Variants in CFAP20DC observed in about 807,000 individuals in gnomAD.
CFAP20DC encodes the protein protein CFAP20DC.
A neutral mutation model predicts 101.7 loss-of-function variants in CFAP20DC; 84 were observed. The observed-to-expected ratio is 0.83, with a 90% CI of 0.69 to 0.99. The LOEUF (loss-of-function observed/expected upper bound fraction) is 0.99, where lower values mean the gene tolerates loss of function less well. CFAP20DC is among the 50% of genes least tolerant of loss of function. The pLI is 0.00. For missense variants in CFAP20DC, 1,007 were observed against 970.3 expected (o/e 1.04, Z -0.50); for synonymous variants, 359 against 351.2 (o/e 1.02, Z -0.25).
chr3:58,962,153 C>T (rs1413697038), intron 4 of CFAP20DC, among the ~76,000 whole-genome samples: 1 of 152,090 alleles, frequency 6.6e-6, no homozygotes, highest in Non-Finnish European at 1.5e-5. Flanking sequence ...GAATTTACAG[C>T]TCCAAGTTTC....
At chr3:58,857,619 G>C (rs564411604) in intron 12 of CFAP20DC, among the ~76,000 whole-genome samples, 1 of 152,262 alleles carries the variant, frequency 6.6e-6, no homozygotes, top group African/African-American at 2.4e-5. Flanking sequence ...AGGGTACAAA[G>C]GCTTGTTTGC....
At chr3:59,003,935 G>C (rs1043433937) in intron 4 of CFAP20DC, among the ~76,000 whole-genome samples, 4 of 152,142 alleles carry the variant, frequency 2.6e-5, no homozygotes, top group Non-Finnish European at 5.9e-5. Context: ...TCTCCTAACA[G>C]ACCCATTGGA....
rs530472022 is a variant in CFAP20DC at position 58,721,487 on chromosome 3, G to T, written c.198-3859C>A. 1.3e-5 allele frequency among the ~76,000 whole-genome samples: 2 copies of T among 152,156 alleles called. No individual in the cohort carries two copies. The highest frequency in any genetic ancestry group is 4.8e-5 in the African/African-American group (2 of 41,422). Reference sequence around the variant, plus strand: ...TCAGGGAAGTTTTCCACAAAGAAGCGATATTTAAGCTGAGATCTGAAGGAT... The same window carrying T: ...TCAGGGAAGTTTTCCACAAAGAAGCTATATTTAAGCTGAGATCTGAAGGAT... On this transcript the variant is annotated intron_variant, in intron 3 of 3. Coordinates refer to the CFAP20DC transcript ENST00000486145. The surrounding 1 kb of genome is among the most constrained non-coding windows in gnomAD (Gnocchi z 5.2).
chr3:59,028,151 G>A (rs915973673), intron 4 of CFAP20DC, among the ~76,000 whole-genome samples: 1 of 152,134 alleles, frequency 6.6e-6, no homozygotes, highest in African/African-American at 2.4e-5. Context: ...TGCTGGTCAG[G>A]TCATGAAGTT....
intron 14 of CFAP20DC, among the ~76,000 whole-genome samples, chr3:58,820,840 A>G (rs1179184891): frequency 6.7e-6 from 1 of 149,076 alleles, no homozygotes; most frequent in African/African-American, 2.6e-5. Context: ...CGCCAAGTCA[A>G]TCCTAAGCCA....
chr3:59,008,430 G>A (rs1042655090), intron 4 of CFAP20DC, among the ~76,000 whole-genome samples: 15 of 152,112 alleles, frequency 9.9e-5, no homozygotes, highest in African/African-American at 3.6e-4. Flanking sequence ...ACCACAACTG[G>A]TGCCTACCCA....
At chr3:58,806,314 A>G (rs1307090702) in intron 15 of CFAP20DC, 81 bp downstream of exon 15, 2 of 982,284 alleles carry the variant, frequency 2.0e-6, no homozygotes, top group Admixed American at 3.9e-5. Context: ...TTGGAAAACA[A>G]TTTCAGAAAA....
intron 4 of CFAP20DC, among the ~76,000 whole-genome samples, chr3:58,960,442 A>T (rs1463216954): frequency 6.6e-6 from 1 of 151,242 alleles, no homozygotes; most frequent in Non-Finnish European, 1.5e-5. Flanking sequence ...CAGTGAGCCG[A>T]GATCACACCA....
intron 5 of CFAP20DC, among the ~76,000 whole-genome samples, chr3:58,933,850 C>T (rs2087102137): frequency 6.6e-6 from 1 of 151,616 alleles, no homozygotes; most frequent in Non-Finnish European, 1.5e-5. Context: ...CCTAACATCA[C>T]AATTAAAACA....
At chr3:58,759,046 T>G (rs947859299) in intron 15 of CFAP20DC, among the ~76,000 whole-genome samples, 4 of 152,242 alleles carry the variant, frequency 2.6e-5, no homozygotes, top group African/African-American at 9.6e-5. Flanking sequence ...CCTTTGGGTA[T>G]ATACCCAGTA....
intron 16 of CFAP20DC, among the ~76,000 whole-genome samples, chr3:58,746,584 T>C (rs2068220958): frequency 6.6e-6 from 1 of 152,202 alleles, no homozygotes; most frequent in South Asian, 2.1e-4. Context: ...GAGGTTTTGC[T>C]ACATAATGCA....
Position 58,861,793 on chromosome 3 carries a change from C to A in CFAP20DC, c.1593+1765G>T, listed in dbSNP as rs536755642. 2 of 985,278 alleles carry A rather than the reference C, an allele frequency of 2.0e-6. No individual in the cohort carries two copies. Among genetic ancestry groups the A allele is most frequent in the Admixed American group, 6.2e-5 (1 of 16,254 alleles). The allele number at this position is 985,278 out of a possible 1,614,324, so 61.0% of individuals were successfully genotyped here. On this transcript the variant is annotated intron_variant, in intron 12 of 16. Coordinates refer to ENST00000482387, the MANE Select transcript of CFAP20DC (RefSeq NM_001394063.1). The surrounding 1 kb of genome is among the most constrained non-coding windows in gnomAD (Gnocchi z 4.0). ...GGATGGTCTCACCACAGACTCTAGC[C>A]GTATGCTACTGGTCACCTTGATGGG...
chr3:58,871,100 G>A (rs2080169594), intron 7 of CFAP20DC, among the ~76,000 whole-genome samples: 2 of 152,052 alleles, frequency 1.3e-5, no homozygotes, highest in South Asian at 4.1e-4. Flanking sequence ...CCAGTAAACA[G>A]GTCACCAATG....
intron 7 of CFAP20DC, among the ~76,000 whole-genome samples, chr3:58,875,367 T>C (rs933499364): frequency 2.6e-5 from 4 of 152,204 alleles, no homozygotes; most frequent in Non-Finnish European, 5.9e-5. Context: ...TCAATATTTG[T>C]GCCTTTTGTG....
chr3:58,752,459 G>A lies in CFAP20DC; in HGVS notation c.2332+1310C>T, dbSNP rs149371422. On this transcript the variant is annotated intron_variant, in intron 16 of 16. Transcript: ENST00000482387. The stretch of plus-strand genomic sequence containing the variant: ...TAACTGAGCTCCTGCTGTCAGAACC[G>A]GGCTTGGCAATGGTGACTTTAAGAC... Among the ~76,000 whole-genome samples the A allele has an allele frequency of 2.2e-3, 334 of 152,162 alleles. 2 individuals carry two copies. Among genetic ancestry groups the A allele is most frequent in the Admixed American group, 6.3e-3 (96 of 15,252 alleles).
chr3:58,862,852 A>T, intron 12 of CFAP20DC: 1 of 985,218 alleles, frequency 1.0e-6, no homozygotes. Context: ...AAGAAAATCC[A>T]CGACTAAATG....
intron 11 of CFAP20DC, among the ~76,000 whole-genome samples, chr3:58,866,255 T>C (rs2079678505): frequency 6.6e-6 from 1 of 152,142 alleles, no homozygotes. Flanking sequence ...ACCATCTCCA[T>C]TATAAAGAGG....
At chr3:58,853,131 A>G (rs1356576773) in intron 12 of CFAP20DC, among the ~76,000 whole-genome samples, 6 of 152,214 alleles carry the variant, frequency 3.9e-5, no homozygotes, top group Non-Finnish European at 8.8e-5. Context: ...AATAGACACA[A>G]TAAGAAATGA....
At chr3:58,850,669 G>C (rs1447203156) in intron 12 of CFAP20DC, among the ~76,000 whole-genome samples, 1 of 150,928 alleles carries the variant, frequency 6.6e-6, no homozygotes, top group Non-Finnish European at 1.5e-5. Context: ...GATGTGAAAT[G>C]ATAAACTTAG....
Sources: gnomAD v4.1 joint callset for allele counts (sites outside exome capture counted in the v4.1 genomes callset) on GRCh38, gnomAD v4.1.1 for gene constraint, Gnocchi (gnomAD v3.1) non-coding constraint, MANE v1.5 for transcripts, NCBI Gene and HGNC (gene_info 2026-07-23, HGNC 2026-07-21) for gene names.